Variants in KHSRP observed in about 807,000 individuals in gnomAD.
The protein encoded by KHSRP is far upstream element-binding protein 2.
In KHSRP, 13 loss-of-function variants were observed where a neutral mutation model predicts 94.9. The ratio of observed to expected loss-of-function variants is 0.14; its 90% CI spans 0.09 to 0.22. KHSRP has a LOEUF of 0.22. KHSRP is among the 10% of genes least tolerant of loss of function. KHSRP has a pLI of 1.00. For missense variants in KHSRP, 710 were observed against 1,010.0 expected (o/e 0.70, Z 4.03); for synonymous variants, 495 against 401.4 (o/e 1.23, Z -2.79).
intron 4 of KHSRP, 30 bp downstream of exon 4, chr19:6,421,245 CAAG>C: frequency 6.4e-7 from 1 of 1,568,338 alleles, no homozygotes. Context: ...GGCCAACAGA[CAAG>C]AAAGCAGTGT....
At chr19:6,419,090 G>C (rs2092177542) in intron 7 of KHSRP, 113 bp downstream of exon 7, 1 of 1,189,882 alleles carries the variant, frequency 8.4e-7, no homozygotes, top group Admixed American at 2.4e-5. Context: ...CTGGAGATGG[G>C]GGCAAGAATG....
At chr19:6,423,802 A>G (rs1237528172) in intron 1 of KHSRP, among the ~76,000 whole-genome samples, 2 of 152,174 alleles carry the variant, frequency 1.3e-5, no homozygotes, top group East Asian at 3.9e-4. Context: ...CAGTCCTAGC[A>G]GCATGTGACA....
At chr19:6,421,415 G>C (rs1307177653) in intron 3 of KHSRP, 98 bp from the exon 4 acceptor site, 1 of 1,294,110 alleles carries the variant, frequency 7.7e-7, no homozygotes, top group South Asian at 1.3e-5. Context: ...CCGGCACCAC[G>C]GTCCCCAGCC....
chr19:6,413,847 G>A lies in KHSRP; in HGVS notation c.*1177C>T, dbSNP rs181761973. Reference sequence around the variant, plus strand: ...TAAGTTTTTTTTTTTTTTTGGCAGAGATTTAGATCTCGCTATCTTCTCTGG... The same window carrying A: ...TAAGTTTTTTTTTTTTTTTGGCAGAAATTTAGATCTCGCTATCTTCTCTGG... On this transcript the variant is annotated 3_prime_UTR_variant, in exon 19 of 19. Transcript: ENST00000600480. The A allele has an allele frequency of 6.6e-5, 17 of 256,682 alleles. No individual in the cohort carries two copies. The East Asian group carries it at 1.1e-3, about 17-fold the overall frequency. The allele number at this position is 256,682 out of a possible 1,614,324, so 15.9% of individuals were successfully genotyped here. A position where few individuals can be genotyped will look rare whatever the true frequency, so the allele number is the denominator to read the frequency against.
Position 6,414,486 on chromosome 19 carries a change from G to A in KHSRP, c.*538C>T. ...ATCATGGTGTCCCCACAACACCCCT[G>A]TGAGGTAGGTTGGAAGGTGGCAACG... On this transcript the variant is annotated 3_prime_UTR_variant, in exon 19 of 19. Transcript: ENST00000600480. 2 of 1,093,926 alleles carry A rather than the reference G, an allele frequency of 1.8e-6. No homozygotes were observed. Among genetic ancestry groups the A allele is most frequent in the Non-Finnish European group, 2.2e-6 (2 of 899,412 alleles). The allele number at this position is 1,093,926 out of a possible 1,614,324, so 67.8% of individuals were successfully genotyped here. A position where few individuals can be genotyped will look rare whatever the true frequency, so the allele number is the denominator to read the frequency against.
Position 6,416,399 on chromosome 19 carries a change from G to A in KHSRP, c.1497C>T (p.Leu499=), listed in dbSNP as rs200282304. 85 of 1,613,512 alleles carry A rather than the reference G, an allele frequency of 5.3e-5. No homozygotes were observed. In the East Asian group the frequency reaches 1.9e-3, roughly 36 times the overall value. ...QLIEEKIEGP[L]CPVGPGPGGP... ...CACCTGGGCCTGGTCCAACTGGGCA[G>A]AGAGGACCCTAGAAGGAAGGAGAGT... Residue 499 remains leucine (L), a synonymous_variant, in exon 15 of 19, where the codon CTC becomes CTT. Coordinates refer to ENST00000600480, the MANE Select transcript of KHSRP (RefSeq NM_001366299.1).
intron 10 of KHSRP, 54 bp downstream of exon 10, chr19:6,417,927 G>A (rs1274753371): frequency 1.4e-5 from 23 of 1,599,786 alleles, no homozygotes; most frequent in African/African-American, 2.7e-5. Flanking sequence ...ACTCACCCCG[G>A]CCCCTCCCTC....
chr19:6,417,272 C>A (rs1325746401), intron 11 of KHSRP, among the ~76,000 whole-genome samples, 185 bp from the exon 12 acceptor site: 1 of 152,222 alleles, frequency 6.6e-6, no homozygotes, highest in Non-Finnish European at 1.5e-5. Context: ...AGAAGGAAAC[C>A]CACGGCCAAG....
In KHSRP at chr19:6,416,016, C is replaced by T. The variant is rs913206518; in HGVS notation, c.1599-120G>A. 9.7e-5 allele frequency: 68 copies of T among 697,788 alleles called. No homozygotes were observed. In the East Asian group the frequency reaches 1.7e-3, roughly 18 times the overall value. 43.2% of individuals were successfully genotyped at this position (697,788 alleles called of 1,614,324 possible). A position where few individuals can be genotyped will look rare whatever the true frequency, so the allele number is the denominator to read the frequency against. On this transcript the variant is annotated intron_variant, in intron 15 of 18. Coordinates refer to ENST00000600480, the MANE Select transcript of KHSRP (RefSeq NM_001366299.1). ...CAGAGACCCAGACCACCAGGCTCAACGGGGCGCCTGGGAAAGGCCTAGACA... is the reference window on the plus strand; with the variant it reads ...CAGAGACCCAGACCACCAGGCTCAATGGGGCGCCTGGGAAAGGCCTAGACA...
In KHSRP at chr19:6,416,391, A is replaced by G. The variant is rs2092146649; in HGVS notation, c.1505T>C (p.Val502Ala). 3 of 1,613,360 alleles carry G rather than the reference A, an allele frequency of 1.9e-6. No individual in the cohort carries two copies. The highest frequency in any genetic ancestry group is 2.5e-6 in the Non-Finnish European group (3 of 1,179,692). The change falls in exon 15 of 19, where the codon GTT (valine) becomes GCT (alanine). Residue 502 changes from valine (V) to alanine (A), a missense_variant. Around this residue, in one of 5 missense-constraint regions of KHSRP, gnomAD observed 292 missense variants for 340.5 expected, o/e 0.86. Transcript: ENST00000600480. Reference protein sequence around the residue: ...EEKIEGPLCPVGPGPGGPGPA... With the variant: ...EEKIEGPLCPAGPGPGGPGPA... ...GCCTGGGCCACCTGGGCCTGGTCCA[A>G]CTGGGCAGAGAGGACCCTAGAAGGA...
rs1471156023 is a variant in KHSRP at position 6,413,405 on chromosome 19, G to A, written c.*1619C>T. 2 of 416,242 alleles carry A rather than the reference G, an allele frequency of 4.8e-6. No individual in the cohort carries two copies. Among genetic ancestry groups the A allele is most frequent in the Non-Finnish European group, 9.4e-6 (2 of 211,918 alleles). 25.8% of individuals were successfully genotyped at this position (416,242 alleles called of 1,614,324 possible). A position where few individuals can be genotyped will look rare whatever the true frequency, so the allele number is the denominator to read the frequency against. On this transcript the variant is annotated 3_prime_UTR_variant, in exon 19 of 19. Transcript: ENST00000600480. ...AAACGAGCGATAAAAAGTAAAAACTGCCATACAATTTTTTTTGTTGTTCTC... is the reference window on the plus strand; with the variant it reads ...AAACGAGCGATAAAAAGTAAAAACTACCATACAATTTTTTTTGTTGTTCTC...
At position 6,417,771 on chromosome 19, in the gene KHSRP, T is replaced by G; in HGVS notation, c.1049A>C (p.Asn350Thr). ...RSGEMIKKIQ[N>T]DAGVRIQFKQ... ...GAACTGTATCCGCACGCCAGCATCA[T>G]TCTGGATCTTCTTGATCATCTCTCC... The change falls in exon 11 of 19, where the codon AAT (asparagine) becomes ACT (threonine). Residue 350 changes from asparagine (N) to threonine (T), a missense_variant. Asn to Thr is a moderately conservative substitution (Grantham distance 65). Transcript: ENST00000600480. The G allele has an allele frequency of 6.2e-7, 1 of 1,613,950 alleles. No homozygotes were observed. The highest frequency in any genetic ancestry group is 8.5e-7 in the Non-Finnish European group (1 of 1,179,844).
In KHSRP at chr19:6,413,223, A is replaced by G. The variant is rs1394032574; in HGVS notation, c.*1801T>C. 1 of 155,108 alleles carries G rather than the reference A, an allele frequency of 6.4e-6. No individual in the cohort carries two copies. The highest frequency in any genetic ancestry group is 2.5e-5 in the African/African-American group (1 of 40,216). The allele number at this position is 155,108 out of a possible 1,614,324, so 9.6% of individuals were successfully genotyped here. On this transcript the variant is annotated 3_prime_UTR_variant, in exon 19 of 19. Transcript: ENST00000600480. ...ATTTTTCTTAAAAAAAAAAAAACAC[A>G]AAGTTTGTAAATTTCAATCACCATT...
chr19:6,421,617 C>G (rs1359399508), intron 3 of KHSRP, 33 bp downstream of exon 3: 1 of 1,612,148 alleles, frequency 6.2e-7, no homozygotes, highest in African/African-American at 1.3e-5. Context: ...CCCTCTGAAG[C>G]CACATATCTG....
At chr19:6,423,824 T>C (rs1286018850) in intron 1 of KHSRP, among the ~76,000 whole-genome samples, 2 of 152,282 alleles carry the variant, frequency 1.3e-5, no homozygotes, top group Admixed American at 6.5e-5. Context: ...TTCCTTGTCA[T>C]TACGCCTCAA....
chr19:6,421,514 A>C, intron 3 of KHSRP, 136 bp downstream of exon 3: 2 of 1,116,918 alleles, frequency 1.8e-6, no homozygotes, highest in Non-Finnish European at 2.7e-6. Flanking sequence ...GGGATCCCTC[A>C]AACGTATGGG....
At chr19:6,424,427 G>A (rs1334471453) in intron 1 of KHSRP, 26 bp downstream of exon 1, 2 of 983,610 alleles carry the variant, frequency 2.0e-6, no homozygotes, top group Non-Finnish European at 2.4e-6. Flanking sequence ...GCGCGAGCGC[G>A]CCCCTCAGGC....
chr19:6,415,652 G>A lies in KHSRP; in HGVS notation c.1770C>T (p.Pro590=), dbSNP rs754091345. 2.1e-5 allele frequency: 32 copies of A among 1,538,464 alleles called. No individual in the cohort carries two copies. Among genetic ancestry groups the A allele is most frequent in the South Asian group, 1.4e-4 (12 of 83,238 alleles). ...YSHYYQQPPG[P]VPGPAPAPAA... ...CAGGGGCCGGTGCGGGGCCGGGGAC[G>A]GGGCCCGGGGGCTGCTGGTAGTAGT... Residue 590 remains proline, a synonymous_variant, in exon 17 of 19, where the codon CCC becomes CCT. Coordinates refer to ENST00000600480, the MANE Select transcript of KHSRP (RefSeq NM_001366299.1).
At position 6,415,575 on chromosome 19, in the gene KHSRP, G is replaced by A. The variant is rs1239090624; in HGVS notation, c.1847C>T (p.Ser616Leu). 9 of 1,520,740 alleles carry A rather than the reference G, an allele frequency of 5.9e-6. No individual in the cohort carries two copies. The highest frequency in any genetic ancestry group is 4.1e-5 in the African/African-American group (3 of 72,640). The allele number at this position is 1,520,740 out of a possible 1,614,324, so 94.2% of individuals were successfully genotyped here. ...EPPQPPPTGQ[S>L]DYTKAWEEYY... ...CTCTTCCCAGGCCTTAGTGTAGTCC[G>A]ACTGGCCGGTGGGTGGGGGCTGAGG... Residue 616 changes from serine to leucine, a missense_variant, in exon 17 of 19, where the codon TCG becomes TTG. Physicochemically the swap from Ser to Leu is moderately radical, Grantham distance 145 (BLOSUM62 -2). This residue lies in a region of KHSRP where 292 missense variants were observed against 340.5 expected (regional missense o/e 0.86). Transcript: ENST00000600480.
Sources: gnomAD v4.1 joint callset for allele counts (sites outside exome capture counted in the v4.1 genomes callset) on GRCh38, gnomAD v4.1.1 for gene constraint, gnomAD v4.1.1 regional missense constraint, MANE v1.5 for transcripts, NCBI Gene and HGNC (gene_info 2026-07-23, HGNC 2026-07-21) for gene names.